Variants in ARB2A observed in about 807,000 individuals in gnomAD.
ARB2A encodes ARB2 cotranscriptional regulator A.
the ARB2A span, among the ~76,000 whole-genome samples, chr5:93,768,884 C>G: frequency 6.6e-6 from 1 of 151,934 alleles, no homozygotes; most frequent in African/African-American, 2.4e-5. Context: ...ATGCTTGGCC[C>G]TCCCTACATG....
At chr5:93,965,568 A>G in the ARB2A span, among the ~76,000 whole-genome samples, 1 of 152,054 alleles carries the variant, frequency 6.6e-6, no homozygotes, top group Non-Finnish European at 1.5e-5. Context: ...ATTTCTGTTA[A>G]GGAAGGCAAA....
the ARB2A span, among the ~76,000 whole-genome samples, chr5:93,893,660 G>T: frequency 6.6e-6 from 1 of 152,098 alleles, no homozygotes. Flanking sequence ...CTAAAACAAA[G>T]TATGTAATGA....
chr5:93,964,358 C>A, the ARB2A span: 2 of 807,194 alleles, frequency 2.5e-6, no homozygotes, highest in East Asian at 2.8e-5. Flanking sequence ...AAACTTATCA[C>A]AGTCAACCCA....
chr5:93,718,447 A>G, the ARB2A span, among the ~76,000 whole-genome samples: 1 of 152,126 alleles, frequency 6.6e-6, no homozygotes, highest in African/African-American at 2.4e-5. Flanking sequence ...AGCAAAAAAA[A>G]AAGTATGGCT....
the ARB2A span, among the ~76,000 whole-genome samples, chr5:93,894,490 G>C: frequency 1.3e-5 from 2 of 151,994 alleles, no homozygotes; most frequent in African/African-American, 2.4e-5. Flanking sequence ...TCTGTACACA[G>C]TGAAATGCCT....
the ARB2A span, among the ~76,000 whole-genome samples, chr5:93,858,454 A>T: frequency 6.6e-6 from 1 of 152,228 alleles, no homozygotes; most frequent in African/African-American, 2.4e-5. Flanking sequence ...AAGGATAGCC[A>T]TCTCAGGCCT....
the ARB2A span, among the ~76,000 whole-genome samples, chr5:93,900,554 C>T: frequency 3.4e-5 from 5 of 145,312 alleles, no homozygotes; most frequent in Non-Finnish European, 7.4e-5. Flanking sequence ...GCAGAGGTTG[C>T]AGTGAGTCAA....
the ARB2A span, chr5:93,776,334 C>A: frequency 3.3e-6 from 3 of 921,258 alleles, no homozygotes; most frequent in East Asian, 2.6e-5. Flanking sequence ...TAAAATCAAC[C>A]ACTAGAGTGT....
chr5:94,009,626 T>A, the ARB2A span, among the ~76,000 whole-genome samples: 23 of 152,120 alleles, frequency 1.5e-4, no homozygotes, highest in Non-Finnish European at 2.4e-4. Context: ...TCCAGTGTGA[T>A]CTTTGCAACT....
the ARB2A span, among the ~76,000 whole-genome samples, chr5:93,831,906 A>C: frequency 6.6e-6 from 1 of 152,168 alleles, no homozygotes; most frequent in Non-Finnish European, 1.5e-5. Context: ...ACTAAGGTCA[A>C]GCTGAAATTA....
the ARB2A span, among the ~76,000 whole-genome samples, chr5:93,859,179 A>G: frequency 2.6e-5 from 4 of 152,182 alleles, no homozygotes; most frequent in South Asian, 8.3e-4. Context: ...GCTATTAGGA[A>G]AACTGATTAA....
At chr5:93,914,137 T>C in the ARB2A span, among the ~76,000 whole-genome samples, 262 of 152,070 alleles carry the variant, frequency 1.7e-3, 1 homozygote, top group African/African-American at 5.9e-3. Flanking sequence ...CTACATCTTA[T>C]TAGCTGTCTT....
chr5:93,927,192 A>G, the ARB2A span, among the ~76,000 whole-genome samples: 1 of 152,296 alleles, frequency 6.6e-6, no homozygotes, highest in East Asian at 1.9e-4. Flanking sequence ...CTTAGTGAAG[A>G]GTCTGAGATT....
At chr5:93,753,057 A>G in the ARB2A span, among the ~76,000 whole-genome samples, 3 of 152,208 alleles carry the variant, frequency 2.0e-5, no homozygotes, top group Admixed American at 2.0e-4. Flanking sequence ...ACTAGTACAC[A>G]TACTCAAAAG....
chr5:93,685,636 C>T, the ARB2A span, among the ~76,000 whole-genome samples: 2 of 152,246 alleles, frequency 1.3e-5, no homozygotes, highest in South Asian at 4.1e-4. Flanking sequence ...TACAAAATAA[C>T]CAGAGGGTGC....
the ARB2A span, among the ~76,000 whole-genome samples, chr5:93,999,892 T>C: frequency 1.3e-5 from 2 of 152,088 alleles, no homozygotes; most frequent in African/African-American, 2.4e-5. Context: ...CAAAATACCA[T>C]ATATTTGGAA....
chr5:94,021,548 T>C, the ARB2A span, among the ~76,000 whole-genome samples: 2 of 152,170 alleles, frequency 1.3e-5, no homozygotes, highest in South Asian at 2.1e-4. Context: ...ACAGAAGACA[T>C]AGACAACAGC....
the ARB2A span, among the ~76,000 whole-genome samples, chr5:93,622,915 A>C: frequency 6.6e-6 from 1 of 152,166 alleles, no homozygotes; most frequent in African/African-American, 2.4e-5. Context: ...TCTAGATATT[A>C]TTATATTTTT....
chr5:93,671,100 T>G, the ARB2A span, among the ~76,000 whole-genome samples: 1 of 152,186 alleles, frequency 6.6e-6, no homozygotes, highest in Non-Finnish European at 1.5e-5. Flanking sequence ...GGAAGCATTA[T>G]AAACCCTCAA....
Sources: allele counts gnomAD v4.1 joint callset (sites outside exome capture counted in the v4.1 genomes callset), GRCh38; gene constraint gnomAD v4.1.1; transcripts MANE v1.5; gene names NCBI Gene and HGNC (gene_info 2026-07-23, HGNC 2026-07-21).